The following MAP2K6 variants were observed in gnomAD, a reference collection of about 807,000 sequenced individuals.
MAP2K6 encodes the protein dual specificity mitogen-activated protein kinase kinase 6.
In MAP2K6, 16 loss-of-function variants were observed where a neutral mutation model predicts 53.7. The observed-to-expected ratio is 0.30, with a 90% CI of 0.20 to 0.45. MAP2K6 has a LOEUF of 0.45. Ranked by LOEUF, MAP2K6 falls within the 20% of genes least tolerant of loss-of-function variation. The pLI, the probability that MAP2K6 is intolerant of heterozygous loss-of-function variation, is 1.00. For synonymous variants in MAP2K6, 132 were observed against 143.1 expected (o/e 0.92, Z 0.55); for missense variants, 204 against 411.9 (o/e 0.50, Z 4.37).
At chr17:69,471,005 A>G (rs1907964980) in intron 1 of MAP2K6, among the ~76,000 whole-genome samples, 1 of 152,232 alleles carries the variant, frequency 6.6e-6, no homozygotes, top group Non-Finnish European at 1.5e-5. Context: ...AATTCACAGC[A>G]CCTAGGACAG....
chr17:69,495,791 G>A lies in MAP2K6; in HGVS notation c.17-9989G>A, dbSNP rs9893273. 8.5e-3 allele frequency among the ~76,000 whole-genome samples: 1,294 copies of A among 151,764 alleles called. 14 individuals carry two copies. The highest frequency in any genetic ancestry group is 0.029 in the African/African-American group (1,210 of 41,328). On this transcript the variant is annotated intron_variant, in intron 1 of 11. Transcript: ENST00000590474. ...ACCCAGTGTGTATTTTGAAAAGCTC[G>A]AGCACGCCACTAAATTTCTTTGCAA...
chr17:69,532,754 T>C (rs1311514400), intron 10 of MAP2K6, among the ~76,000 whole-genome samples: 1 of 152,224 alleles, frequency 6.6e-6, no homozygotes, highest in Admixed American at 6.5e-5. Context: ...TTTCCATCTA[T>C]ATTCTGCAGT....
At chr17:69,541,188 G>A (rs924568219) in intron 11 of MAP2K6, among the ~76,000 whole-genome samples, 12 of 152,128 alleles carry the variant, frequency 7.9e-5, no homozygotes, top group African/African-American at 2.7e-4. Context: ...ACTTGAACCC[G>A]GGAGGCAGAG....
chr17:69,421,577 C>T (rs1906080508), intron 1 of MAP2K6, among the ~76,000 whole-genome samples: 1 of 150,054 alleles, frequency 6.7e-6, no homozygotes, highest in Non-Finnish European at 1.5e-5. Context: ...CTCGCTCTGT[C>T]ACCCAGGCTG....
intron 1 of MAP2K6, among the ~76,000 whole-genome samples, chr17:69,437,653 T>G (rs1285398791): frequency 6.6e-6 from 1 of 152,236 alleles, no homozygotes; most frequent in African/African-American, 2.4e-5. Context: ...TTCACAAGGT[T>G]GTGCAATCAT....
At chr17:69,417,098 TG>T (rs1338890241) in intron 1 of MAP2K6, among the ~76,000 whole-genome samples, 1 of 152,136 alleles carries the variant, frequency 6.6e-6, no homozygotes, top group Non-Finnish European at 1.5e-5. Context: ...GGAATGAACA[TG>T]GGGTTCTTGT....
intron 1 of MAP2K6, among the ~76,000 whole-genome samples, chr17:69,463,369 ATG>A (rs2145172621): frequency 6.7e-6 from 1 of 149,540 alleles, no homozygotes; most frequent in Admixed American, 6.7e-5. Flanking sequence ...ACATATATGT[ATG>A]TGTATATATA....
chr17:69,476,345 A>G (rs1332570121), intron 1 of MAP2K6, among the ~76,000 whole-genome samples: 1 of 152,216 alleles, frequency 6.6e-6, no homozygotes, highest in Non-Finnish European at 1.5e-5. Context: ...GCTACCTTGC[A>G]GAAATTCCAG....
chr17:69,495,601 A>G (rs896877245), intron 1 of MAP2K6, among the ~76,000 whole-genome samples: 2 of 152,260 alleles, frequency 1.3e-5, no homozygotes, highest in South Asian at 2.1e-4. Flanking sequence ...TCTAGCACTC[A>G]GCTTTGACAA....
intron 1 of MAP2K6, among the ~76,000 whole-genome samples, chr17:69,466,635 C>A (rs1396230689): frequency 6.6e-6 from 1 of 152,230 alleles, no homozygotes; most frequent in Non-Finnish European, 1.5e-5. Context: ...TCTTAGCAAT[C>A]CCTGTGAATG....
intron 1 of MAP2K6, among the ~76,000 whole-genome samples, chr17:69,505,143 A>AC (rs1567844009): frequency 2.0e-5 from 3 of 151,508 alleles, no homozygotes; most frequent in Admixed American, 6.6e-5. Flanking sequence ...GAAAAAAAAA[A>AC]CAAAAACAAA....
chr17:69,494,427 G>A lies in MAP2K6; in HGVS notation c.17-11353G>A, dbSNP rs1483525860. Among the ~76,000 whole-genome samples the A allele has an allele frequency of 6.6e-6, 1 of 151,534 alleles. No individual in the cohort carries two copies. The highest frequency in any genetic ancestry group is 1.5e-5 in the Non-Finnish European group (1 of 67,896). ...GCATGAAAATCGCTTGTACCCAGGA[G>A]GCAGAGGTTGCTGTGAGCCAAGGTC... On this transcript the variant is annotated intron_variant, in intron 1 of 11. Transcript: ENST00000590474. The surrounding 1 kb of genome is among the most constrained non-coding windows in gnomAD (Gnocchi z 4.2).
At chr17:69,419,894 A>T (rs1415521823) in intron 1 of MAP2K6, among the ~76,000 whole-genome samples, 1 of 149,208 alleles carries the variant, frequency 6.7e-6, no homozygotes, top group Non-Finnish European at 1.5e-5. Flanking sequence ...AGCCTGGGTG[A>T]CAGAGCCAGA....
At chr17:69,486,173 CGTT>C in intron 1 of MAP2K6, among the ~76,000 whole-genome samples, 1 of 152,072 alleles carries the variant, frequency 6.6e-6, no homozygotes, top group Non-Finnish European at 1.5e-5. Context: ...TGTTTTTCCA[CGTT>C]GTGGTACTTG....
intron 2 of MAP2K6, among the ~76,000 whole-genome samples, chr17:69,507,195 C>T (rs1239513660): frequency 6.6e-6 from 1 of 152,006 alleles, no homozygotes; most frequent in Non-Finnish European, 1.5e-5. Flanking sequence ...CCCATAGATC[C>T]CTTTCCCCAG....
rs74737716 is a variant in MAP2K6 at position 69,469,217 on chromosome 17, G to C, written c.17-36563G>C. Among the ~76,000 whole-genome samples, 1,286 of 152,308 alleles carry C rather than the reference G, an allele frequency of 8.4e-3. 29 individuals carry two copies. Among genetic ancestry groups the C allele is most frequent in the East Asian group, 0.076 (392 of 5,176 alleles). The stretch of plus-strand genomic sequence containing the variant: ...CTTCATCTTAAAAGCCTGCAAGGCT[G>C]GTCAAGTTCTTCTCACATTGCATCT... On this transcript the variant is annotated intron_variant, in intron 1 of 11. Coordinates refer to ENST00000590474, the MANE Select transcript of MAP2K6 (RefSeq NM_002758.4).
At chr17:69,540,168 T>C (rs1911544998) in intron 11 of MAP2K6, among the ~76,000 whole-genome samples, 1 of 152,208 alleles carries the variant, frequency 6.6e-6, no homozygotes, top group African/African-American at 2.4e-5. Flanking sequence ...CGGAGCTGAC[T>C]CATCCAACCC....
At chr17:69,522,310 A>G (rs948682595) in intron 7 of MAP2K6, among the ~76,000 whole-genome samples, 1 of 152,202 alleles carries the variant, frequency 6.6e-6, no homozygotes, top group Non-Finnish European at 1.5e-5. Context: ...CAGATAGGAA[A>G]AAGACTGTAG....
chr17:69,535,953 T>C (rs1299240013), intron 10 of MAP2K6, 162 bp from the exon 11 acceptor site: 1 of 572,142 alleles, frequency 1.7e-6, no homozygotes, highest in African/African-American at 1.9e-5. Context: ...ATTTAAAACA[T>C]GATACATAAG....
Sources: gnomAD v4.1 joint callset for allele counts (sites outside exome capture counted in the v4.1 genomes callset) on GRCh38, gnomAD v4.1.1 for gene constraint, Gnocchi (gnomAD v3.1) non-coding constraint, MANE v1.5 for transcripts, NCBI Gene and HGNC (gene_info 2026-07-23, HGNC 2026-07-21) for gene names.